The following TMX2 variants were observed in gnomAD, a reference collection of about 807,000 sequenced individuals.
The protein encoded by TMX2 is thioredoxin related transmembrane protein 2, also known as thioredoxin-related transmembrane protein 2.
TMX2 carries 20 observed loss-of-function variants against 33.4 expected under a neutral mutation model. The ratio of observed to expected loss-of-function variants is 0.60; its 90% confidence interval spans 0.42 to 0.87. The LOEUF is 0.87. Among genes scored for constraint, TMX2 ranks in the 40% least tolerant of loss-of-function variants. The probability of loss-of-function intolerance (pLI) is 0.00; values close to 1 mark genes in which losing one functional copy is unlikely to be tolerated. For missense variants in TMX2, 340 were observed against 370.7 expected, an observed-to-expected ratio of 0.92 and a Z score of 0.68; for synonymous variants, 166 against 140.7, an observed-to-expected ratio of 1.18 and a Z score of -1.27.
At chr11:57,733,245 G>C (rs1425555862) in intron 1 of TMX2, among the ~76,000 whole-genome samples, 1 of 143,278 alleles carries the variant, frequency 7.0e-6, no homozygotes, top group African/African-American at 2.6e-5. Flanking sequence ...ACACAGTGAG[G>C]AATTTTTTTT....
At chr11:57,739,368 G>A in intron 7 of TMX2, 108 bp downstream of exon 7, 2 of 1,164,430 alleles carry the variant, frequency 1.7e-6, no homozygotes, top group South Asian at 2.6e-5. Flanking sequence ...TTAGCTTTGA[G>A]GGTGTGGACT....
Position 57,712,670 on chromosome 11 carries a change from T to C in TMX2, c.52T>C (p.Ser18Pro). The C allele has an allele frequency of 6.2e-7, 1 of 1,614,226 alleles. No individual in the cohort carries two copies. Among genetic ancestry groups the C allele is most frequent in the Non-Finnish European group, 8.5e-7 (1 of 1,180,042 alleles). ...TCTCGTGTATTCGGTGCCGCGACTT[T>C]CACGATGGCTCGCCCAACCTTACTA... ...IALVYSVPRL[S>P]RWLAQPYYLL... is the part of the protein sequence containing the mutation. The change falls in exon 1 of 8, where the codon TCA (serine) becomes CCA (proline). Residue 18 changes from serine (S) to proline (P), a missense_variant. By Grantham distance (74) the Ser-to-Pro change is moderately conservative. Transcript: ENST00000278422.
chr11:57,716,398 C>G (rs1429069791), intron 1 of TMX2, among the ~76,000 whole-genome samples: 1 of 105,930 alleles, frequency 9.4e-6, no homozygotes, highest in East Asian at 3.0e-4. Flanking sequence ...AGGGGCTGAC[C>G]CCCCCACCTC....
intron 1 of TMX2, among the ~76,000 whole-genome samples, chr11:57,714,974 C>T (rs1946880845): frequency 6.6e-6 from 1 of 152,086 alleles, no homozygotes; most frequent in African/African-American, 2.4e-5. Flanking sequence ...TGGAGGTTAG[C>T]AATTTTATGA....
intron 1 of TMX2, among the ~76,000 whole-genome samples, chr11:57,731,726 G>A (rs2860261): frequency 0.94 from 143,327 of 152,134 alleles, 68,114 homozygotes; most frequent in East Asian, 1. Flanking sequence ...GTCACAAGTC[G>A]AGCTTCCAAG....
chr11:57,729,594 G>A (rs944528778), intron 1 of TMX2, among the ~76,000 whole-genome samples: 29 of 152,170 alleles, frequency 1.9e-4, no homozygotes, highest in African/African-American at 6.7e-4. Context: ...TTTGCTATCT[G>A]ATTTTCACCT....
chr11:57,712,626 T>C lies in TMX2; in HGVS notation c.8T>C (p.Val3Ala), dbSNP rs1232830232. 1.9e-6 allele frequency: 3 copies of C among 1,611,296 alleles called. No homozygotes were observed. The highest frequency in any genetic ancestry group is 3.3e-5 in the Admixed American group (2 of 59,766). The stretch of plus-strand genomic sequence containing the variant: ...GCCGTTACGGCCGAAAAGATGGCGG[T>C]CTTGGCACCTCTAATTGCTCTCGTG... MAVLAPLIALVYS... is the reference protein window; with the variant it reads MAALAPLIALVYS... Residue 3 changes from valine (V) to alanine (A), a missense_variant, in exon 1 of 8, where the codon GTC becomes GCC. By Grantham distance (64) the Val-to-Ala change is moderately conservative. Transcript: ENST00000278422.
intron 3 of TMX2, 88 bp downstream of exon 3, chr11:57,738,114 A>T: frequency 9.5e-7 from 1 of 1,051,778 alleles, no homozygotes; most frequent in East Asian, 2.4e-5. Flanking sequence ...CAACAGTTGC[A>T]ATCCCAAACA....
chr11:57,735,766 G>A (rs1471833987), intron 1 of TMX2, among the ~76,000 whole-genome samples: 1 of 152,186 alleles, frequency 6.6e-6, no homozygotes, highest in Non-Finnish European at 1.5e-5. Context: ...GTTCAAAAGT[G>A]GCAATGTTAA....
intron 1 of TMX2, among the ~76,000 whole-genome samples, chr11:57,720,336 G>C (rs766973154): frequency 2.0e-5 from 3 of 152,154 alleles, no homozygotes; most frequent in Non-Finnish European, 4.4e-5. Context: ...TGTTTATTGT[G>C]TATATGGTAC....
intron 5 of TMX2, 89 bp downstream of exon 5, chr11:57,738,859 G>C: frequency 1.3e-6 from 2 of 1,539,332 alleles, no homozygotes; most frequent in Non-Finnish European, 1.8e-6. Context: ...TTTTGGCCTT[G>C]ATTTTCACAC....
chr11:57,722,552 CTG>C (rs1298247210), intron 1 of TMX2, among the ~76,000 whole-genome samples: 1 of 152,160 alleles, frequency 6.6e-6, no homozygotes, highest in Non-Finnish European at 1.5e-5. Flanking sequence ...CCTGTTATAT[CTG>C]TATCTTTATA....
At chr11:57,724,950 A>C (rs1947879225) in intron 1 of TMX2, among the ~76,000 whole-genome samples, 1 of 151,686 alleles carries the variant, frequency 6.6e-6, no homozygotes, top group Non-Finnish European at 1.5e-5. Context: ...GGGCAGGAGA[A>C]TCACTTTGAA....
chr11:57,723,164 A>G (rs551933735), intron 1 of TMX2, among the ~76,000 whole-genome samples: 1 of 151,932 alleles, frequency 6.6e-6, no homozygotes, highest in East Asian at 1.9e-4. Flanking sequence ...AAAAAAATGT[A>G]AGTTTCTTTT....
chr11:57,731,801 G>A (rs2135584841), intron 1 of TMX2, among the ~76,000 whole-genome samples: 1 of 152,238 alleles, frequency 6.6e-6, no homozygotes, highest in East Asian at 1.9e-4. Flanking sequence ...CAATTTGTAT[G>A]TCATTCTGAT....
At chr11:57,736,279 T>C (rs1039591516) in intron 1 of TMX2, among the ~76,000 whole-genome samples, 1 of 151,730 alleles carries the variant, frequency 6.6e-6, no homozygotes, top group Middle Eastern at 3.4e-3. Context: ...CTGGGCCACA[T>C]TGGAAGAATT....
intron 1 of TMX2, chr11:57,718,469 A>G (rs903412706): frequency 9.9e-7 from 1 of 1,011,706 alleles, no homozygotes; most frequent in South Asian, 1.3e-5. Flanking sequence ...AAACAGCTCG[A>G]AGGAGATGCG....
At chr11:57,718,357 C>T (rs1435425487) in intron 1 of TMX2, 2 of 1,514,670 alleles carry the variant, frequency 1.3e-6, no homozygotes, top group Non-Finnish European at 1.8e-6. Flanking sequence ...GATACATAAA[C>T]CCTGGAATAA....
At position 57,740,103 on chromosome 11, in the gene TMX2, A is replaced by T; in HGVS notation, c.749A>T (p.Asn250Ile). The change falls in exon 8 of 8, where the codon AAT (asparagine) becomes ATT (isoleucine). Residue 250 changes from asparagine (N) to isoleucine (I), a missense_variant. Asn to Ile is a moderately radical substitution (Grantham distance 149, BLOSUM62 -3). Transcript: ENST00000278422. ...RAVSWTFSEE[N>I]VIREFNLNEL... ...GTGTGCATCTCTTTTGTGCAGGAGA[A>T]TGTGATCCGAGAATTTAACTTAAAT... 1 of 1,613,956 alleles carries T rather than the reference A, an allele frequency of 6.2e-7. No homozygotes were observed. Among genetic ancestry groups the T allele is most frequent in the Non-Finnish European group, 8.5e-7 (1 of 1,179,866 alleles).
Sources: gnomAD v4.1 joint callset for allele counts (sites outside exome capture counted in the v4.1 genomes callset) on GRCh38, gnomAD v4.1.1 for gene constraint, MANE v1.5 for transcripts, NCBI Gene and HGNC (gene_info 2026-07-23, HGNC 2026-07-21) for gene names.